Variants in FLT3 observed in about 807,000 individuals in gnomAD.
FLT3 encodes the protein fms related receptor tyrosine kinase 3, also known as receptor-type tyrosine-protein kinase FLT3.
FLT3 carries 46 observed loss-of-function variants against 126.6 expected under a neutral mutation model. That is an observed-to-expected ratio of 0.36 (90% CI 0.29 to 0.46). FLT3 has a LOEUF of 0.46. Among genes scored for constraint, FLT3 ranks in the 20% least tolerant of loss-of-function variants. The pLI, the probability that FLT3 is intolerant of heterozygous loss-of-function variation, is 1.00. For missense variants in FLT3, 1,069 were observed against 1,190.3 expected (o/e 0.90, Z 1.50); for synonymous variants, 404 against 434.4 (o/e 0.93, Z 0.87).
At chr13:28,046,606 T>A (rs565072164) in intron 9 of FLT3, among the ~76,000 whole-genome samples, 1 of 152,336 alleles carries the variant, frequency 6.6e-6, no homozygotes, top group Non-Finnish European at 1.5e-5. Context: ...TATTATTATT[T>A]TTTCTTTTTG....
At chr13:28,053,128 G>A (rs1204020975) in intron 4 of FLT3, among the ~76,000 whole-genome samples, 5 of 151,732 alleles carry the variant, frequency 3.3e-5, no homozygotes, top group African/African-American at 1.2e-4. Context: ...AGTTGGAATT[G>A]CAACAGAACT....
At chr13:28,096,466 G>A (rs1172728055) in intron 1 of FLT3, among the ~76,000 whole-genome samples, 2 of 150,798 alleles carry the variant, frequency 1.3e-5, no homozygotes, top group Non-Finnish European at 1.5e-5. Flanking sequence ...AGATGGAGTC[G>A]CACTCTGTCA....
At chr13:28,059,139 C>A (rs1876308951) in intron 3 of FLT3, among the ~76,000 whole-genome samples, 1 of 152,210 alleles carries the variant, frequency 6.6e-6, no homozygotes, top group Non-Finnish European at 1.5e-5. Flanking sequence ...CACTGTCCTG[C>A]AAATCACTTA....
Position 28,027,195 on chromosome 13 carries a change from G to T in FLT3, c.2100C>A (p.Leu700=). The T allele has an allele frequency of 6.2e-7, 1 of 1,611,972 alleles. No individual in the cohort carries two copies. The highest frequency in any genetic ancestry group is 1.1e-5 in the South Asian group (1 of 90,998). ...TTTCTCTTTTACTTCTTAGATAGTT[G>T]AGAAGATCACCATAGCAACAGTATT... is the stretch of plus-strand genomic sequence containing the variant. ...IFEYCCYGDL[L]NYLRSKREKF... is the part of the protein sequence containing the mutation. The change falls in exon 17 of 24, where the codon CTC becomes CTA. Residue 700 remains leucine, a synonymous_variant. Coordinates refer to ENST00000241453, the MANE Select transcript of FLT3 (RefSeq NM_004119.3).
chr13:28,068,941 T>C (rs1877268837), intron 2 of FLT3, among the ~76,000 whole-genome samples: 2 of 152,040 alleles, frequency 1.3e-5, no homozygotes, highest in Non-Finnish European at 2.9e-5. Context: ...TAAATATATG[T>C]TTTTAAAATA....
intron 9 of FLT3, among the ~76,000 whole-genome samples, chr13:28,040,960 A>T (rs933051413): frequency 7.4e-6 from 1 of 135,120 alleles, no homozygotes; most frequent in Non-Finnish European, 1.6e-5. Context: ...CAAGACCCGG[A>T]CTCAAAAAAA....
At chr13:28,093,636 C>T (rs575164417) in intron 1 of FLT3, among the ~76,000 whole-genome samples, 1 of 152,260 alleles carries the variant, frequency 6.6e-6, no homozygotes, top group South Asian at 2.1e-4. Context: ...CTGGAACATC[C>T]TCACCCTCTT....
At chr13:28,063,876 T>G (rs1876784716) in intron 2 of FLT3, among the ~76,000 whole-genome samples, 1 of 152,202 alleles carries the variant, frequency 6.6e-6, no homozygotes, top group Admixed American at 6.5e-5. Context: ...GCCCTGGAAC[T>G]TCAAAGGAGG....
In FLT3 at chr13:28,035,602, G is replaced by A. The variant is rs762585560; in HGVS notation, c.1490C>T (p.Ser497Leu). The part of the protein sequence containing the change: ...ANRKVFGQWV[S>L]SSTLNMSEAI... The stretch of plus-strand genomic sequence containing the variant: ...TTCACTCATGTTTAGAGTACTGCTC[G>A]ACACCCACTGTCCAAACACTTTTCT... Residue 497 changes from serine (S) to leucine (L), a missense_variant, in exon 12 of 24, where the codon TCG becomes TTG. By Grantham distance (145) the Ser-to-Leu change is moderately radical. Transcript: ENST00000241453. 1.1e-5 allele frequency: 17 copies of A among 1,614,046 alleles called. 1 individual carries two copies. Among genetic ancestry groups the A allele is most frequent in the South Asian group, 4.4e-5 (4 of 91,072 alleles).
chr13:28,049,975 G>T, intron 6 of FLT3, 120 bp downstream of exon 6: 2 of 1,234,222 alleles, frequency 1.6e-6, no homozygotes, highest in Non-Finnish European at 2.3e-6. Flanking sequence ...CATTTACTGT[G>T]ACCTGAAGGA....
At chr13:28,013,408 C>T (rs1007828605) in intron 23 of FLT3, among the ~76,000 whole-genome samples, 3 of 152,156 alleles carry the variant, frequency 2.0e-5, no homozygotes, top group South Asian at 2.1e-4. Context: ...TTGTTAATCA[C>T]ATATTTCAGG....
chr13:28,050,055 C>A (rs113780656), intron 6 of FLT3, 40 bp downstream of exon 6: 2 of 1,604,198 alleles, frequency 1.2e-6, no homozygotes, highest in African/African-American at 1.3e-5. Flanking sequence ...TGCTAAGAAC[C>A]GGTCACTGAA....
chr13:28,026,807 C>T (rs1039947130), intron 17 of FLT3, among the ~76,000 whole-genome samples: 7 of 152,134 alleles, frequency 4.6e-5, no homozygotes, highest in South Asian at 2.1e-4. Flanking sequence ...CCTGAAAGAC[C>T]GAATAATGCA....
intron 9 of FLT3, among the ~76,000 whole-genome samples, chr13:28,041,285 C>A (rs1485749354): frequency 1.3e-5 from 2 of 152,042 alleles, no homozygotes; most frequent in Non-Finnish European, 2.9e-5. Context: ...TCTCTCTGGA[C>A]AATGGCCAAA....
intron 6 of FLT3, 27 bp from the exon 7 acceptor site, chr13:28,049,801 G>GAA (rs67491524): frequency 1.7e-4 from 270 of 1,570,150 alleles, no homozygotes; most frequent in Middle Eastern, 3.4e-4. Flanking sequence ...TCCCAAGTGA[G>GAA]AAAAAAAAAG....
rs370961369 is a variant in FLT3 at position 28,046,495 on chromosome 13, G to T, written c.1205+1780C>A. On this transcript the variant is annotated intron_variant, in intron 9 of 23. Coordinates refer to ENST00000241453, the MANE Select transcript of FLT3 (RefSeq NM_004119.3). ...TTCTGTTGGCTGTATAAAGTAAAAG[G>T]AAGCAGGTGAAATTAAGTTTAATAA... Among the ~76,000 whole-genome samples the T allele has an allele frequency of 4.6e-5, 7 of 152,286 alleles. No homozygotes were observed. The South Asian group carries it at 8.3e-4, about 18-fold the overall frequency.
chr13:28,034,956 T>C (rs1407510041), intron 12 of FLT3, among the ~76,000 whole-genome samples: 1 of 121,802 alleles, frequency 8.2e-6, no homozygotes, highest in Non-Finnish European at 1.8e-5. Context: ...AAAAAAAAAA[T>C]GCATGGATTT....
chr13:28,058,436 C>T lies in FLT3; in HGVS notation c.369-974G>A, dbSNP rs182786536. 7.4e-3 allele frequency among the ~76,000 whole-genome samples: 1,120 copies of T among 152,024 alleles called. 6 individuals carry two copies. Among genetic ancestry groups the T allele is most frequent in the Non-Finnish European group, 0.013 (857 of 67,990 alleles). On this transcript the variant is annotated intron_variant, in intron 3 of 23. Transcript: ENST00000241453. Reference sequence around the variant, plus strand: ...CTGAGGCAGGAGAATTGCTTGAACCCGGGAGGCGGAGGTTGCGGTGAGCCA... The same window carrying T: ...CTGAGGCAGGAGAATTGCTTGAACCTGGGAGGCGGAGGTTGCGGTGAGCCA...
chr13:28,052,302 G>A (rs990355657), intron 5 of FLT3, among the ~76,000 whole-genome samples: 1 of 150,988 alleles, frequency 6.6e-6, no homozygotes, highest in Non-Finnish European at 1.5e-5. Context: ...CACCATGTTG[G>A]CCAGGCTGGT....
Sources: gnomAD v4.1 joint callset for allele counts (sites outside exome capture counted in the v4.1 genomes callset) on GRCh38, gnomAD v4.1.1 for gene constraint, MANE v1.5 for transcripts, NCBI Gene and HGNC (gene_info 2026-07-23, HGNC 2026-07-21) for gene names.